The following KCNK2 variants were observed in gnomAD, a reference collection of about 807,000 sequenced individuals.
KCNK2 encodes the protein potassium two pore domain channel subfamily K member 2.
A neutral mutation model predicts 40.5 loss-of-function variants in KCNK2; 21 were observed. The ratio of observed to expected loss-of-function variants is 0.52; its 90% CI spans 0.37 to 0.75. KCNK2 has a LOEUF of 0.75. Ranked by LOEUF, KCNK2 falls within the 30% of genes least tolerant of loss-of-function variation. KCNK2 has a pLI of 0.00. For synonymous variants in KCNK2, 191 were observed against 202.2 expected, an observed-to-expected ratio of 0.94 and a Z score of 0.47; for missense variants, 399 against 531.6, an observed-to-expected ratio of 0.75 and a Z score of 2.45.
intron 5 of KCNK2, among the ~76,000 whole-genome samples, chr1:215,177,740 A>ATATATTT (rs71167812): frequency 0.061 from 6,166 of 101,378 alleles, 268 homozygotes; most frequent in South Asian, 0.079. Context: ...ATATATATAT[A>ATATATTT]TTTTTTTTTT....
In KCNK2 at chr1:215,169,083, A is replaced by G. The variant is rs143806602; in HGVS notation, c.476-116A>G. On this transcript the variant is annotated intron_variant, in intron 3 of 6. Coordinates refer to ENST00000444842, the MANE Select transcript of KCNK2 (RefSeq NM_001017425.3). ...AGTATGTAATACAAACGTATTCTTAACTAGTCAAAATCAATTATTGATATC... is the reference window on the plus strand; with the variant it reads ...AGTATGTAATACAAACGTATTCTTAGCTAGTCAAAATCAATTATTGATATC... The G allele has an allele frequency of 6.8e-5, 46 of 678,810 alleles. No individual in the cohort carries two copies. The African/African-American group carries it at 8.2e-4, about 12-fold the overall frequency. 42.0% of individuals were successfully genotyped at this position (678,810 alleles called of 1,614,324 possible).
intron 6 of KCNK2, among the ~76,000 whole-genome samples, chr1:215,209,486 T>TGTA (rs1473834848): frequency 8.2e-5 from 3 of 36,636 alleles, no homozygotes; most frequent in African/African-American, 3.1e-4. Context: ...TTATATATAA[T>TGTA]ACATATATAT....
In KCNK2 at chr1:215,178,739, T is replaced by A. The variant is rs187585595; in HGVS notation, c.823+6556T>A. 1.3e-3 allele frequency among the ~76,000 whole-genome samples: 200 copies of A among 152,300 alleles called. 4 individuals are homozygous for A. The highest frequency in any genetic ancestry group is 0.012 in the Admixed American group (188 of 15,282). On this transcript the variant is annotated intron_variant, in intron 5 of 6. Transcript: ENST00000444842. ...ATCATGTTGAACTAACTTTTTGATGTGCTGTTGGACTCAGTTTGTTGAAGA... is the reference window on the plus strand; with the variant it reads ...ATCATGTTGAACTAACTTTTTGATGAGCTGTTGGACTCAGTTTGTTGAAGA...
At chr1:215,157,517 C>T (rs1355791814) in intron 3 of KCNK2, among the ~76,000 whole-genome samples, 1 of 152,218 alleles carries the variant, frequency 6.6e-6, no homozygotes, top group Non-Finnish European at 1.5e-5. Context: ...ATTCCTTCCA[C>T]TCTCTTGTTA....
intron 2 of KCNK2, among the ~76,000 whole-genome samples, chr1:215,101,396 A>C (rs1660209520): frequency 6.6e-6 from 1 of 151,896 alleles, no homozygotes; most frequent in Non-Finnish European, 1.5e-5. Flanking sequence ...AAGTCAGTCA[A>C]ATAAAGGTTT....
chr1:215,107,316 GTA>G (rs1475928518), intron 2 of KCNK2, among the ~76,000 whole-genome samples: 1 of 151,816 alleles, frequency 6.6e-6, no homozygotes, highest in African/African-American at 2.4e-5. Flanking sequence ...TTGGTTAGAC[GTA>G]TTCCTAGGTA....
At chr1:215,137,316 G>A (rs976155493) in intron 3 of KCNK2, among the ~76,000 whole-genome samples, 6 of 152,108 alleles carry the variant, frequency 3.9e-5, no homozygotes, top group African/African-American at 1.2e-4. Flanking sequence ...ATAATTCAGG[G>A]TCAGAAAACT....
chr1:215,069,190 C>G (rs376960881), intron 1 of KCNK2, among the ~76,000 whole-genome samples: 146 of 152,282 alleles, frequency 9.6e-4, no homozygotes, highest in African/African-American at 3.4e-3. Context: ...GCCTTGTGAA[C>G]ACCCCTACTG....
At chr1:215,198,612 A>G (rs1664962147) in intron 6 of KCNK2, among the ~76,000 whole-genome samples, 2 of 152,210 alleles carry the variant, frequency 1.3e-5, no homozygotes, top group South Asian at 4.1e-4. Flanking sequence ...GTGTAAATGA[A>G]CAAATGCCAG....
chr1:215,233,025 G>T (rs1208601016), intron 6 of KCNK2, among the ~76,000 whole-genome samples: 1 of 152,066 alleles, frequency 6.6e-6, no homozygotes, highest in Non-Finnish European at 1.5e-5. Context: ...TCCTAACCTG[G>T]GAGTCCCCCC....
chr1:215,215,865 G>A (rs1665939030), intron 6 of KCNK2, among the ~76,000 whole-genome samples: 1 of 152,092 alleles, frequency 6.6e-6, no homozygotes. Flanking sequence ...ACTCTTCTGG[G>A]GTGAGATGCC....
chr1:215,114,526 A>G (rs1034590817), intron 2 of KCNK2, among the ~76,000 whole-genome samples: 3 of 152,180 alleles, frequency 2.0e-5, no homozygotes, highest in African/African-American at 7.2e-5. Flanking sequence ...AGTATTTGCT[A>G]TAACTGGTGA....
At chr1:215,131,941 TAAC>T (rs1661698449) in intron 3 of KCNK2, among the ~76,000 whole-genome samples, 1 of 152,202 alleles carries the variant, frequency 6.6e-6, no homozygotes, top group Non-Finnish European at 1.5e-5. Context: ...GCTATTATGA[TAAC>T]AATCACAGAC....
chr1:215,148,238 C>T (rs1396468671), intron 3 of KCNK2, among the ~76,000 whole-genome samples: 1 of 151,268 alleles, frequency 6.6e-6, no homozygotes, highest in East Asian at 2.0e-4. Context: ...TACCACCACA[C>T]CTGGCTAATT....
chr1:215,168,576 C>T (rs1663555466), intron 3 of KCNK2, among the ~76,000 whole-genome samples: 1 of 152,148 alleles, frequency 6.6e-6, no homozygotes, highest in Non-Finnish European at 1.5e-5. Flanking sequence ...AGCTGGAAGC[C>T]ATCTGCCTCA....
chr1:215,007,202 T>C (rs1292603167), intron 1 of KCNK2, among the ~76,000 whole-genome samples: 1 of 55,288 alleles, frequency 1.8e-5, no homozygotes, highest in Non-Finnish European at 3.4e-5. Context: ...TATATATATA[T>C]ATATATATAT....
chr1:215,231,454 G>A (rs941284984), intron 6 of KCNK2, among the ~76,000 whole-genome samples: 1 of 152,070 alleles, frequency 6.6e-6, no homozygotes, highest in South Asian at 2.1e-4. Context: ...CCTGCTATGT[G>A]CTCGGTGTTG....
intron 6 of KCNK2, among the ~76,000 whole-genome samples, chr1:215,230,507 G>GTGTATATATATATATA (rs564184766): frequency 1.5e-5 from 1 of 65,578 alleles, no homozygotes; most frequent in African/African-American, 7.2e-5. Context: ...ACACACGGCT[G>GTGTATATATATATATA]TATATATATA....
intron 1 of KCNK2, among the ~76,000 whole-genome samples, chr1:215,075,375 T>C (rs916725054): frequency 6.6e-6 from 1 of 152,154 alleles, no homozygotes; most frequent in South Asian, 2.1e-4. Flanking sequence ...TTAAAAAAAT[T>C]TCAGGGTGAG....
Sources: gnomAD v4.1 joint callset for allele counts (sites outside exome capture counted in the v4.1 genomes callset) on GRCh38, gnomAD v4.1.1 for gene constraint, MANE v1.5 for transcripts, NCBI Gene and HGNC (gene_info 2026-07-23, HGNC 2026-07-21) for gene names.